GIGYF2: variants seen among roughly 807,000 people sequenced by gnomAD.
GIGYF2 encodes the protein GRB10 interacting GYF protein 2, also known as GRB10-interacting GYF protein 2.
Under a neutral mutation model 208.1 loss-of-function variants are expected in GIGYF2, and 25 were observed. The observed-to-expected ratio is 0.12, with a 90% CI of 0.09 to 0.17. GIGYF2 has a LOEUF of 0.17. Ranked by LOEUF, GIGYF2 falls within the 10% of genes least tolerant of loss-of-function variation. GIGYF2 has a pLI of 1.00. For missense variants in GIGYF2, 1,302 were observed against 1,579.4 expected, an observed-to-expected ratio of 0.82 and a Z score of 2.98; for synonymous variants, 534 against 543.8, an observed-to-expected ratio of 0.98 and a Z score of 0.25.
intron 2 of GIGYF2, among the ~76,000 whole-genome samples, chr2:232,724,321 G>T (rs1418119287): frequency 6.7e-6 from 1 of 149,294 alleles, no homozygotes; most frequent in Non-Finnish European, 1.5e-5. Context: ...GCCTCCTAAC[G>T]TGCTGGGATT....
intron 2 of GIGYF2, among the ~76,000 whole-genome samples, chr2:232,725,304 C>T (rs1027421972): frequency 6.6e-6 from 1 of 152,218 alleles, no homozygotes; most frequent in Non-Finnish European, 1.5e-5. Context: ...CCAATCTTCA[C>T]ATTAGTTTTT....
chr2:232,774,587 A>G (rs965445554), intron 8 of GIGYF2, among the ~76,000 whole-genome samples: 4 of 152,168 alleles, frequency 2.6e-5, no homozygotes, highest in African/African-American at 9.7e-5. Context: ...ATTTTGACAC[A>G]TGGAAGAAGG....
chr2:232,762,443 G>T (rs559762714), intron 8 of GIGYF2, among the ~76,000 whole-genome samples: 4 of 151,716 alleles, frequency 2.6e-5, no homozygotes, highest in African/African-American at 9.7e-5. Flanking sequence ...AGTTGAGATG[G>T]GGTTTCACTA....
intron 20 of GIGYF2, among the ~76,000 whole-genome samples, chr2:232,819,579 G>C (rs1424277610): frequency 6.6e-6 from 1 of 152,152 alleles, no homozygotes; most frequent in Non-Finnish European, 1.5e-5. Context: ...ATAGAAACCA[G>C]GGTAGACTTC....
intron 21 of GIGYF2, among the ~76,000 whole-genome samples, chr2:232,821,134 G>T (rs1701068512): frequency 1.3e-5 from 2 of 152,036 alleles, no homozygotes. Flanking sequence ...TCTTGACAGT[G>T]TTCTTTGAAA....
rs1690729310 is a variant in GIGYF2 at position 232,860,381 on chromosome 2, T to C, written c.*3521T>C. On this transcript the variant is annotated 3_prime_UTR_variant, in exon 29 of 29. Coordinates refer to ENST00000373563, the MANE Select transcript of GIGYF2 (RefSeq NM_001103146.3). ...TTAGGGAAACCATTGTATTTATACA[T>C]GCATATATTTTTATATATACAAATA... The C allele has an allele frequency of 6.6e-6, 1 of 150,590 alleles. No homozygotes were observed. The highest frequency in any genetic ancestry group is 6.6e-5 in the Admixed American group (1 of 15,072). 9.3% of individuals were successfully genotyped at this position (150,590 alleles called of 1,614,324 possible).
intron 3 of GIGYF2, among the ~76,000 whole-genome samples, chr2:232,744,919 CTTTATTTTTATCTGT>C (rs1698093633): frequency 6.6e-6 from 1 of 152,106 alleles, no homozygotes. Context: ...AACCCTTCAG[CTTTATTTTTATCTGT>C]TATGTTTGGG....
In GIGYF2 at chr2:232,760,602, C is replaced by G; in HGVS notation, c.491+11C>G. Reference sequence around the variant, plus strand: ...GAGCTGGGAGGAAAGGTAACTGGATCCACATATTGGCATAAAAATTTCTTG... The same window carrying G: ...GAGCTGGGAGGAAAGGTAACTGGATGCACATATTGGCATAAAAATTTCTTG... On this transcript the variant is annotated intron_variant, in intron 7 of 28. Coordinates refer to ENST00000373563, the MANE Select transcript of GIGYF2 (RefSeq NM_001103146.3). The G allele has an allele frequency of 6.5e-7, 1 of 1,532,366 alleles. No individual in the cohort carries two copies. The highest frequency in any genetic ancestry group is 9.0e-7 in the Non-Finnish European group (1 of 1,105,986). 94.9% of individuals were successfully genotyped at this position (1,532,366 alleles called of 1,614,324 possible).
At chr2:232,804,943 T>C (rs1232748130) in intron 14 of GIGYF2, among the ~76,000 whole-genome samples, 1 of 152,092 alleles carries the variant, frequency 6.6e-6, no homozygotes, top group East Asian at 1.9e-4. Flanking sequence ...GCTTGATTCT[T>C]GGTGGTCAAA....
rs533268454 is a variant in GIGYF2 at position 232,726,124 on chromosome 2, C to T, written c.-43-9031C>T. 5.4e-4 allele frequency among the ~76,000 whole-genome samples: 83 copies of T among 152,294 alleles called. 2 individuals carry two copies. The South Asian group carries it at 0.016, about 29-fold the overall frequency. On this transcript the variant is annotated intron_variant, in intron 2 of 28. Coordinates refer to ENST00000373563, the MANE Select transcript of GIGYF2 (RefSeq NM_001103146.3). ...CCTGTAATCCACCTGTAATCCACCA[C>T]TTTGGGAAGCCAAGGCGGGTGGATC...
intron 1 of GIGYF2, among the ~76,000 whole-genome samples, chr2:232,698,786 A>G (rs543712563): frequency 1.3e-5 from 2 of 152,340 alleles, no homozygotes; most frequent in East Asian, 1.9e-4. Flanking sequence ...CAAGGAATAC[A>G]CTGGTGATGG....
intron 8 of GIGYF2, chr2:232,765,924 G>A (rs1487315733): frequency 2.2e-6 from 1 of 454,136 alleles, no homozygotes; most frequent in Admixed American, 2.5e-5. Context: ...TAGTTCCGAA[G>A]TAGTCTTCCT....
At chr2:232,780,035 T>G (rs1182892505) in intron 8 of GIGYF2, among the ~76,000 whole-genome samples, 1 of 152,226 alleles carries the variant, frequency 6.6e-6, no homozygotes, top group African/African-American at 2.4e-5. Flanking sequence ...CTTCAAAGTC[T>G]GTCCCATAAT....
intron 28 of GIGYF2, among the ~76,000 whole-genome samples, chr2:232,854,238 A>T (rs1690465707): frequency 6.6e-6 from 1 of 152,202 alleles, no homozygotes. Context: ...CATGACTGTA[A>T]TCCCAGCACT....
In GIGYF2 at chr2:232,723,524, G is replaced by T. The variant is rs183397853; in HGVS notation, c.-43-11631G>T. Among the ~76,000 whole-genome samples the T allele has an allele frequency of 1.6e-3, 237 of 150,776 alleles. 1 individual carries two copies. Among genetic ancestry groups the T allele is most frequent in the African/African-American group, 5.6e-3 (230 of 41,110 alleles). ...CAGCTCACTGCAACCCCGCCCCCTG[G>T]GTTCAAGCGATTCTTCTGCCTCAGC... On this transcript the variant is annotated intron_variant, in intron 2 of 28. Coordinates refer to ENST00000373563, the MANE Select transcript of GIGYF2 (RefSeq NM_001103146.3).
intron 23 of GIGYF2, among the ~76,000 whole-genome samples, chr2:232,842,186 C>G (rs1214493068): frequency 6.6e-6 from 1 of 151,832 alleles, no homozygotes; most frequent in African/African-American, 2.4e-5. Context: ...ACCTGCAGTC[C>G]TTCTATTGGG....
chr2:232,777,489 T>G (rs1699561587), intron 8 of GIGYF2, among the ~76,000 whole-genome samples: 1 of 151,962 alleles, frequency 6.6e-6, no homozygotes, highest in East Asian at 1.9e-4. Flanking sequence ...TGTAAGAGGA[T>G]CTGAGAAACA....
rs1559160703 is a variant in GIGYF2 at position 232,836,326 on chromosome 2, AT to A, written c.2766+3234del. 2.9e-3 allele frequency among the ~76,000 whole-genome samples: 82 copies of A among 27,970 alleles called. 14 individuals are homozygous for A. Among genetic ancestry groups the A allele is most frequent in the African/African-American group, 8.7e-3 (77 of 8,802 alleles). The allele number at this position is 27,970 out of a possible 152,430, so 18.3% of individuals were successfully genotyped here. ...TATATATATATATATATATATATAT[AT>A]ATACATATATATACTTATATATTTA... On this transcript the variant is annotated intron_variant, in intron 22 of 28. Coordinates refer to ENST00000373563, the MANE Select transcript of GIGYF2 (RefSeq NM_001103146.3).
Position 232,751,806 on chromosome 2 carries a change from C to T in GIGYF2, c.267+2724C>T, listed in dbSNP as rs1422180796. ...TAAAGAAATTAGTGTGTAGTAAGTA[C>T]ACAAATCGTTTGGAAAATCAAACAT... On this transcript the variant is annotated intron_variant, in intron 5 of 28. Transcript: ENST00000373563. Among the ~76,000 whole-genome samples, 7 of 152,212 alleles carry T rather than the reference C, an allele frequency of 4.6e-5. No homozygotes were observed. In the East Asian group the frequency reaches 5.8e-4, roughly 13 times the overall value.
Sources: allele counts gnomAD v4.1 joint callset (sites outside exome capture counted in the v4.1 genomes callset), GRCh38; gene constraint gnomAD v4.1.1; transcripts MANE v1.5; gene names NCBI Gene and HGNC (gene_info 2026-07-23, HGNC 2026-07-21).